The following DLGAP2 variants were observed in gnomAD, a reference collection of about 807,000 sequenced individuals.
DLGAP2 encodes the protein disks large-associated protein 2.
A neutral mutation model predicts 100.3 loss-of-function variants in DLGAP2; 26 were observed. The observed-to-expected ratio is 0.26, with a 90% CI of 0.19 to 0.36. The LOEUF (loss-of-function observed/expected upper bound fraction) is 0.36. Ranked by LOEUF, DLGAP2 falls within the 10% of genes least tolerant of loss-of-function variation. The pLI is 1.00. For missense variants in DLGAP2, 1,858 were observed against 1,453.2 expected (o/e 1.28, Z -4.53); for synonymous variants, 886 against 630.1 (o/e 1.41, Z -6.08).
intron 12 of DLGAP2, among the ~76,000 whole-genome samples, chr8:1,681,918 C>T (rs112093837): frequency 8.5e-4 from 125 of 147,892 alleles, no homozygotes; most frequent in Middle Eastern, 3.4e-3. Context: ...CTGGGAGTCA[C>T]GGCCCTCTGA....
chr8:930,779 C>T (rs1798938971), intron 2 of DLGAP2, among the ~76,000 whole-genome samples: 1 of 152,188 alleles, frequency 6.6e-6, no homozygotes, highest in South Asian at 2.1e-4. Context: ...TGTGCCAGGC[C>T]GTGGTGCAGA....
chr8:1,193,235 G>A (rs1797677364), intron 2 of DLGAP2, among the ~76,000 whole-genome samples: 1 of 152,136 alleles, frequency 6.6e-6, no homozygotes, highest in Non-Finnish European at 1.5e-5. Flanking sequence ...CTAGATCCTT[G>A]AGGAATCGCC....
intron 3 of DLGAP2, among the ~76,000 whole-genome samples, chr8:1,287,508 A>G (rs1799960165): frequency 2.8e-4 from 17 of 60,194 alleles, no homozygotes; most frequent in African/African-American, 7.5e-4. Context: ...TTCTGTTAGG[A>G]GGGGAACTAG....
chr8:938,244 G>T (rs1026434542), intron 2 of DLGAP2, among the ~76,000 whole-genome samples: 1 of 152,092 alleles, frequency 6.6e-6, no homozygotes, highest in Non-Finnish European at 1.5e-5. Context: ...GAGTATAATG[G>T]TGACAGAGAG....
At chr8:1,464,598 G>A (rs1798569185) in intron 3 of DLGAP2, among the ~76,000 whole-genome samples, 1 of 152,190 alleles carries the variant, frequency 6.6e-6, no homozygotes. Flanking sequence ...CTCCCTTCCT[G>A]CTGAGCTCCC....
At chr8:1,102,154 ATATT>A (rs1804605926) in intron 2 of DLGAP2, among the ~76,000 whole-genome samples, 1 of 149,960 alleles carries the variant, frequency 6.7e-6, no homozygotes, top group Admixed American at 6.7e-5. Flanking sequence ...AGCTTAATAT[ATATT>A]CAAGCTTTTA....
intron 1 of DLGAP2, among the ~76,000 whole-genome samples, chr8:789,175 C>G (rs546744210): frequency 6.6e-6 from 1 of 152,132 alleles, no homozygotes; most frequent in Admixed American, 6.5e-5. Context: ...TGTATTAGTT[C>G]TTTCTCACTC....
At chr8:800,276 A>T (rs1375309600) in intron 1 of DLGAP2, among the ~76,000 whole-genome samples, 2 of 152,178 alleles carry the variant, frequency 1.3e-5, no homozygotes, top group Non-Finnish European at 2.9e-5. Flanking sequence ...AGATGTACAG[A>T]CATTGTGTTT....
At chr8:785,244 A>G (rs1821810904) in intron 1 of DLGAP2, among the ~76,000 whole-genome samples, 1 of 141,894 alleles carries the variant, frequency 7.0e-6, no homozygotes, top group Non-Finnish European at 1.6e-5. Context: ...AAAAAAAAAA[A>G]AAAAAAAAGG....
At chr8:1,204,664 C>G (rs1292774725) in intron 2 of DLGAP2, among the ~76,000 whole-genome samples, 1 of 152,152 alleles carries the variant, frequency 6.6e-6, no homozygotes, top group Non-Finnish European at 1.5e-5. Context: ...GAACCCAGCC[C>G]ATTTCCCCAT....
intron 4 of DLGAP2, among the ~76,000 whole-genome samples, chr8:1,547,076 GGA>G (rs888005610): frequency 1.3e-5 from 2 of 152,158 alleles, no homozygotes; most frequent in African/African-American, 4.8e-5. Flanking sequence ...AGGCCTGGGA[GGA>G]GAGGCGGCAG....
intron 3 of DLGAP2, among the ~76,000 whole-genome samples, chr8:1,495,097 G>T (rs73536575): frequency 3.5e-4 from 53 of 152,196 alleles, no homozygotes; most frequent in Non-Finnish European, 1.2e-4. Context: ...AGCCCCTGGC[G>T]GTCTTGGTGC....
chr8:866,544 A>T (rs1284026429), intron 1 of DLGAP2, among the ~76,000 whole-genome samples: 1 of 151,852 alleles, frequency 6.6e-6, no homozygotes, highest in Non-Finnish European at 1.5e-5. Flanking sequence ...CTGTCAGTTG[A>T]TTCTGAAAAG....
chr8:1,270,154 T>A (rs1799550801), intron 3 of DLGAP2, among the ~76,000 whole-genome samples: 1 of 152,130 alleles, frequency 6.6e-6, no homozygotes, highest in African/African-American at 2.4e-5. Context: ...ACCAGGTGGG[T>A]CTTGTCTCAC....
intron 3 of DLGAP2, among the ~76,000 whole-genome samples, chr8:1,480,121 C>T (rs575403920): frequency 7.9e-5 from 12 of 152,316 alleles, no homozygotes; most frequent in South Asian, 6.2e-4. Flanking sequence ...AGCCGAACCC[C>T]GGCTGTCTGG....
At chr8:838,650 T>G (rs1796927233) in intron 1 of DLGAP2, among the ~76,000 whole-genome samples, 1 of 152,222 alleles carries the variant, frequency 6.6e-6, no homozygotes, top group South Asian at 2.1e-4. Context: ...GTACATTTTT[T>G]TTTTACTCCT....
chr8:1,105,286 A>T (rs1278181286), intron 2 of DLGAP2, among the ~76,000 whole-genome samples: 6 of 152,020 alleles, frequency 3.9e-5, no homozygotes, highest in Non-Finnish European at 5.9e-5. Context: ...GAAAGTGAAG[A>T]CTCTACCACA....
intron 1 of DLGAP2, among the ~76,000 whole-genome samples, chr8:872,050 T>C (rs971042810): frequency 6.6e-6 from 1 of 152,222 alleles, no homozygotes; most frequent in Non-Finnish European, 1.5e-5. Flanking sequence ...TGTGCTGTTC[T>C]TGTTTAGGTT....
At chr8:1,070,609 C>T (rs1249516937) in intron 2 of DLGAP2, among the ~76,000 whole-genome samples, 1 of 152,112 alleles carries the variant, frequency 6.6e-6, no homozygotes, top group Non-Finnish European at 1.5e-5. Flanking sequence ...AAAGGTGCAG[C>T]TTTCACATAC....
Sources: allele counts gnomAD v4.1 joint callset (sites outside exome capture counted in the v4.1 genomes callset), GRCh38; gene constraint gnomAD v4.1.1; transcripts MANE v1.5; gene names NCBI Gene and HGNC (gene_info 2026-07-23, HGNC 2026-07-21).